MYEF2: variants seen among roughly 807,000 people sequenced by gnomAD.
The protein encoded by MYEF2 is myelin expression factor 2.
Under a neutral mutation model 75.2 loss-of-function variants are expected in MYEF2, and 37 were observed. The observed-to-expected ratio is 0.49, with a 90% CI of 0.38 to 0.65. MYEF2 has a LOEUF of 0.65. MYEF2 is among the 30% of genes least tolerant of loss of function. The probability of loss-of-function intolerance (pLI) is 0.00; values close to 1 mark genes in which losing one functional copy is unlikely to be tolerated. For synonymous variants in MYEF2, 195 were observed against 241.6 expected, an observed-to-expected ratio of 0.81 and a Z score of 1.79; for missense variants, 634 against 771.4, an observed-to-expected ratio of 0.82 and a Z score of 2.11.
intron 1 of MYEF2, 86 bp from the exon 2 acceptor site, chr15:48,168,925 T>C: frequency 1.9e-6 from 2 of 1,053,092 alleles, no homozygotes; most frequent in South Asian, 1.7e-5. Context: ...TATTCCATAT[T>C]TATCACCTCA....
chr15:48,152,044 T>A (rs1407013264), intron 11 of MYEF2, 102 bp from the exon 12 acceptor site: 1 of 1,255,984 alleles, frequency 8.0e-7, no homozygotes, highest in Non-Finnish European at 1.2e-6. Flanking sequence ...TCATCCACCC[T>A]ACCTTGTGCA....
At position 48,135,077 on chromosome 15, in the gene MYEF2, C is replaced by T. The variant is rs1431657074; in HGVS notation, c.*7831G>A. ...TTTTTCAGAAATGTTATTTCAGTCACTTAATCTGCCACTTCTATACCATAT... is the reference window on the plus strand; with the variant it reads ...TTTTTCAGAAATGTTATTTCAGTCATTTAATCTGCCACTTCTATACCATAT... On this transcript the variant is annotated 3_prime_UTR_variant, in exon 17 of 17. Transcript: ENST00000324324. The T allele has an allele frequency of 5.6e-6, 5 of 889,450 alleles. No homozygotes were observed. The highest frequency in any genetic ancestry group is 9.0e-6 in the Non-Finnish European group (5 of 557,414). 55.1% of individuals were successfully genotyped at this position (889,450 alleles called of 1,614,324 possible).
intron 1 of MYEF2, among the ~76,000 whole-genome samples, chr15:48,173,713 A>C (rs1159579183): frequency 1.3e-5 from 2 of 152,138 alleles, no homozygotes; most frequent in Non-Finnish European, 2.9e-5. Flanking sequence ...ATAATAATGA[A>C]CTATCCAAAA....
rs2038869211 is a variant in MYEF2, at chr15:48,135,278, G to A, written c.*7630C>T. Reference sequence around the variant, plus strand: ...TTCAGAAAGTTTCCCAACTCCTGTTGTCCATTAAAGCCACAACAGTTGACT... The same window carrying A: ...TTCAGAAAGTTTCCCAACTCCTGTTATCCATTAAAGCCACAACAGTTGACT... On this transcript the variant is annotated 3_prime_UTR_variant, in exon 17 of 17. Transcript: ENST00000324324. 4.1e-6 allele frequency: 1 copy of A among 245,006 alleles called. No homozygotes were observed. The highest frequency in any genetic ancestry group is 4.9e-5 in the Admixed American group (1 of 20,276). 15.2% of individuals were successfully genotyped at this position (245,006 alleles called of 1,614,324 possible).
rs74931674 is a variant in MYEF2 at position 48,153,798 on chromosome 15, G to A, written c.1081C>T (p.Pro361Ser). The A allele has an allele frequency of 4.5e-4, 726 of 1,612,446 alleles. 13 individuals are homozygous for A. The East Asian group carries it at 0.016, about 36-fold the overall frequency. Reference protein sequence around the residue: ...NIGGVMGNLGPGGMGMDGPGF... With the variant: ...NIGGVMGNLGSGGMGMDGPGF... ...AGGAAGTTAGAATACTCACCACCTG[G>A]ACCTAAATTTCCCATTACTCCACCT... The change falls in exon 10 of 17, where the codon CCA (proline) becomes TCA (serine). Residue 361 changes from proline to serine, a missense_variant. By Grantham distance (74) the Pro-to-Ser change is moderately conservative (BLOSUM62 -1). Coordinates refer to ENST00000324324, the MANE Select transcript of MYEF2 (RefSeq NM_016132.5).
chr15:48,174,269 A>T (rs2040438182), intron 1 of MYEF2, among the ~76,000 whole-genome samples: 1 of 152,122 alleles, frequency 6.6e-6, no homozygotes, highest in Non-Finnish European at 1.5e-5. Flanking sequence ...TGGTATTGGG[A>T]AAACTAGATA....
Position 48,149,448 on chromosome 15 carries a change from G to GTT in MYEF2, c.1379-78_1379-77insAA, listed in dbSNP as rs1369036003. Reference sequence around the variant, plus strand: ...CAAAAACATAAGGAAAAGGAGAAGAGGAGAAAGGAGGAAAAGGAGATAAAC... The same window carrying GTT: ...CAAAAACATAAGGAAAAGGAGAAGAGTTGAGAAAGGAGGAAAAGGAGATAAAC... On this transcript the variant is annotated intron_variant, in intron 14 of 16. Coordinates refer to ENST00000324324, the MANE Select transcript of MYEF2 (RefSeq NM_016132.5). This position sits in a 1 kb window ranked among gnomAD's most constrained non-coding sequence, Gnocchi z 4.0. 9.4e-6 allele frequency: 12 copies of GTT among 1,277,822 alleles called. No homozygotes were observed. In the East Asian group the frequency reaches 2.8e-4, roughly 30 times the overall value. 79.2% of individuals were successfully genotyped at this position (1,277,822 alleles called of 1,614,324 possible).
At chr15:48,166,427 C>A (rs2040136204) in intron 3 of MYEF2, among the ~76,000 whole-genome samples, 1 of 151,894 alleles carries the variant, frequency 6.6e-6, no homozygotes. Flanking sequence ...ATTAAATCAA[C>A]AGGAATTCAA....
intron 14 of MYEF2, 149 bp downstream of exon 14, chr15:48,150,951 C>T (rs940762634): frequency 2.1e-6 from 1 of 467,148 alleles, no homozygotes; most frequent in African/African-American, 2.0e-5. Context: ...AACAGAAAGG[C>T]TTTGCTCAAT....
chr15:48,171,579 T>C (rs1325219131), intron 1 of MYEF2, among the ~76,000 whole-genome samples: 1 of 152,022 alleles, frequency 6.6e-6, no homozygotes, highest in African/African-American at 2.4e-5. Context: ...AATTAAAATT[T>C]ATCTTAAGTT....
intron 5 of MYEF2, among the ~76,000 whole-genome samples, chr15:48,164,822 T>A (rs1379928548): frequency 6.6e-6 from 1 of 152,208 alleles, no homozygotes; most frequent in Non-Finnish European, 1.5e-5. Flanking sequence ...ATTTTTAAAT[T>A]AAGGCATGTA....
chr15:48,171,274 T>C (rs944389493), intron 1 of MYEF2, among the ~76,000 whole-genome samples: 1 of 152,238 alleles, frequency 6.6e-6, no homozygotes, highest in Admixed American at 6.5e-5. Flanking sequence ...GATATCTATA[T>C]AGTCTCTAGA....
At chr15:48,152,717 T>C (rs1159399036) in intron 10 of MYEF2, 2 of 158,384 alleles carry the variant, frequency 1.3e-5, no homozygotes, top group African/African-American at 4.8e-5. Flanking sequence ...GCAGTAAAAA[T>C]TTTCAAAATA....
Position 48,168,859 on chromosome 15 carries a change from A to G in MYEF2, c.162-20T>C. ...TTCTCCCTGTGAATTAAAAAAAGTC[A>G]AACAAACAAAAACCCTCAGTTGTGC... On this transcript the variant is annotated intron_variant, in intron 1 of 16. Transcript: ENST00000324324. The G allele has an allele frequency of 6.5e-7, 1 of 1,547,664 alleles. No homozygotes were observed. Among genetic ancestry groups the G allele is most frequent in the Middle Eastern group, 1.7e-4 (1 of 5,926 alleles).
At chr15:48,154,924 C>A (rs891325364) in intron 9 of MYEF2, among the ~76,000 whole-genome samples, 4 of 151,840 alleles carry the variant, frequency 2.6e-5, no homozygotes, top group African/African-American at 9.7e-5. Flanking sequence ...GTGACTGTAT[C>A]CAAAGGTCAC....
intron 5 of MYEF2, chr15:48,162,948 C>T (rs762123562): frequency 7.2e-5 from 11 of 152,080 alleles, no homozygotes; most frequent in African/African-American, 1.2e-4. Flanking sequence ...CCTAAAATGG[C>T]TTCTAAGTGT....
chr15:48,142,918 C>T lies in MYEF2; in HGVS notation c.1793G>A (p.Arg598His), dbSNP rs750104369. 30 of 1,589,074 alleles carry T rather than the reference C, an allele frequency of 1.9e-5. No homozygotes were observed. Among genetic ancestry groups the T allele is most frequent in the South Asian group, 3.4e-5 (3 of 87,190 alleles). Residue 598 changes from arginine to histidine, a missense_variant, in exon 17 of 17, where the codon CGT (arginine) becomes CAT (histidine). Physicochemically the swap from Arg to His is conservative, Grantham distance 29. Transcript: ENST00000324324. The part of the protein sequence containing the change: ...SGREIDVRLD[R>H]NA ...AACCATGGCTTGAAATTATGCATTACGATCCAAGCGAACATCAATTTCTCT... is the reference window on the plus strand; with the variant it reads ...AACCATGGCTTGAAATTATGCATTATGATCCAAGCGAACATCAATTTCTCT...
chr15:48,144,137 C>A (rs1368360904), intron 16 of MYEF2, among the ~76,000 whole-genome samples: 1 of 151,862 alleles, frequency 6.6e-6, no homozygotes, highest in Non-Finnish European at 1.5e-5. Flanking sequence ...GCAACCAAAT[C>A]AGACAGCCAG....
chr15:48,143,042 C>A lies in MYEF2; in HGVS notation c.1669G>T (p.Glu557Ter). ...GHVMFAEIKM[E>*]NGKSKGCGTV... Reference sequence around the variant, plus strand: ...CCACAGCCTTTTGACTTTCCATTCTCCATTTTTATTTCTGCAAACATTACA... The same window carrying A: ...CCACAGCCTTTTGACTTTCCATTCTACATTTTTATTTCTGCAAACATTACA... The change falls in exon 17 of 17, where the codon GAG becomes TAG. Residue 557 changes from glutamate (E) to a stop codon, truncating the protein, a stop_gained. Coordinates refer to ENST00000324324, the MANE Select transcript of MYEF2 (RefSeq NM_016132.5). LOFTEE classifies it high-confidence loss of function. 1 of 1,572,288 alleles carries A rather than the reference C, an allele frequency of 6.4e-7. No individual in the cohort carries two copies. Among genetic ancestry groups the A allele is most frequent in the South Asian group, 1.2e-5 (1 of 83,110 alleles).
Sources: allele counts gnomAD v4.1 joint callset (sites outside exome capture counted in the v4.1 genomes callset), GRCh38; gene constraint gnomAD v4.1.1; non-coding constraint Gnocchi (gnomAD v3.1); transcripts MANE v1.5; gene names NCBI Gene and HGNC (gene_info 2026-07-23, HGNC 2026-07-21).